Variants in TMEM151A observed in about 807,000 individuals in gnomAD.
TMEM151A encodes transmembrane protein 151A, also known as transmembrane protein 151.
In TMEM151A, 21 loss-of-function variants were observed where a neutral mutation model predicts 33.7. That is an observed-to-expected ratio of 0.62 (90% confidence interval 0.44 to 0.90). The LOEUF is 0.90. Among genes scored for constraint, TMEM151A ranks in the 40% least tolerant of loss-of-function variants. The pLI, the probability that TMEM151A is intolerant of heterozygous loss-of-function variation, is 0.00. For synonymous variants in TMEM151A, 374 were observed against 330.3 expected, an observed-to-expected ratio of 1.13 and a Z score of -1.43; for missense variants, 704 against 697.7, an observed-to-expected ratio of 1.01 and a Z score of -0.10.
At position 66,295,523 on chromosome 11, in the gene TMEM151A, C is replaced by G; in HGVS notation, c.1277C>G (p.Pro426Arg). The G allele has an allele frequency of 2.9e-6, 4 of 1,399,574 alleles. No homozygotes were observed. The highest frequency in any genetic ancestry group is 2.8e-6 in the Non-Finnish European group (3 of 1,076,214). The allele number at this position is 1,399,574 out of a possible 1,614,324, so 86.7% of individuals were successfully genotyped here. Residue 426 changes from proline to arginine, a missense_variant, in exon 2 of 2, where the codon CCG (proline) becomes CGG (arginine). Pro to Arg is a moderately radical substitution (Grantham distance 103, BLOSUM62 -2). Around this residue, in one of 3 missense-constraint regions of TMEM151A, gnomAD observed 398 missense variants for 356.0 expected, o/e 1.12. Coordinates refer to ENST00000327259, the MANE Select transcript of TMEM151A (RefSeq NM_153266.4). ...PGVFRSLSGG[P>R]LGRRGEDTEP... ...GTCTTCCGCAGCCTGAGCGGGGGGCCGCTGGGGCGCCGTGGAGAGGACACG... is the reference window on the plus strand; with the variant it reads ...GTCTTCCGCAGCCTGAGCGGGGGGCGGCTGGGGCGCCGTGGAGAGGACACG...
intron 1 of TMEM151A, among the ~76,000 whole-genome samples, chr11:66,294,030 C>T (rs933128455): frequency 1.5e-4 from 23 of 152,238 alleles, no homozygotes; most frequent in African/African-American, 5.5e-4. Context: ...AGGATCCATC[C>T]CTCCTGGCTG....
rs1408132504 is a variant in TMEM151A, at chr11:66,295,990, A to C, written c.*337A>C. ...TGCGGCCAGCTGTTGCCTGCAGCAG[A>C]GGCTGCCTGTGGACACTTCCCTACC... On this transcript the variant is annotated 3_prime_UTR_variant, in exon 2 of 2. Transcript: ENST00000327259. 4.3e-6 allele frequency: 1 copy of C among 231,588 alleles called. No individual in the cohort carries two copies. Among genetic ancestry groups the C allele is most frequent in the Admixed American group, 5.8e-5 (1 of 17,310 alleles). The allele number at this position is 231,588 out of a possible 1,614,324, so 14.3% of individuals were successfully genotyped here. A position where few individuals can be genotyped will look rare whatever the true frequency, so the allele number is the denominator to read the frequency against.
Position 66,295,664 on chromosome 11 carries a change from G to C in TMEM151A, c.*11G>C, listed in dbSNP as rs745872747. 67 of 1,480,020 alleles carry C rather than the reference G, an allele frequency of 4.5e-5. 1 individual carries two copies. The Admixed American group carries it at 1.5e-3, about 34-fold the overall frequency. 91.7% of individuals were successfully genotyped at this position (1,480,020 alleles called of 1,614,324 possible). On this transcript the variant is annotated 3_prime_UTR_variant, in exon 2 of 2. Coordinates refer to ENST00000327259, the MANE Select transcript of TMEM151A (RefSeq NM_153266.4). ...CAGGGTGCTCTCTGAGACCCCCCAC[G>C]GCCCCCAGAGTGGCCCCCTCCCCAC...
intron 1 of TMEM151A, among the ~76,000 whole-genome samples, chr11:66,293,973 A>G (rs1857481986): frequency 1.3e-5 from 2 of 152,212 alleles, no homozygotes; most frequent in East Asian, 3.9e-4. Flanking sequence ...AAGTCCACAC[A>G]GCAAATCAGG....
rs1330578449 is a variant in TMEM151A, at chr11:66,294,478, T to C, written c.232T>C (p.Leu78=). Reference sequence around the variant, plus strand: ...GCTGGTCCTGGGGCCCGAGGCCGCCTTGGCCCGGGGAGCCGGGGGCCCGCC... The same window carrying C: ...GCTGGTCCTGGGGCCCGAGGCCGCCCTGGCCCGGGGAGCCGGGGGCCCGCC... ...PRLVLGPEAA[L]ARGAGGPPPT... is the part of the protein sequence containing the mutation. The change falls in exon 2 of 2, where the codon TTG becomes CTG. Residue 78 remains leucine (L), a synonymous_variant. Coordinates refer to ENST00000327259, the MANE Select transcript of TMEM151A (RefSeq NM_153266.4). 6.2e-7 allele frequency: 1 copy of C among 1,606,062 alleles called. No individual in the cohort carries two copies. Among genetic ancestry groups the C allele is most frequent in the African/African-American group, 1.3e-5 (1 of 74,864 alleles).
At position 66,294,872 on chromosome 11, in the gene TMEM151A, G is replaced by A. The variant is rs1254632133; in HGVS notation, c.626G>A (p.Gly209Glu). The change falls in exon 2 of 2, where the codon GGG becomes GAG. Residue 209 changes from glycine to glutamate, a missense_variant. This residue lies in a region of TMEM151A where 301 missense variants were observed against 323.4 expected (regional missense o/e 0.93). Coordinates refer to ENST00000327259, the MANE Select transcript of TMEM151A (RefSeq NM_153266.4). ...CGCGACGTCTCCAAGGAGCTGGTGG[G>A]GCTGGCGGAGCACGCGGCCACGCGG... The part of the protein sequence containing the change: ...GVRDVSKELV[G>E]LAEHAATRLR... 3.3e-6 allele frequency: 5 copies of A among 1,536,768 alleles called. No homozygotes were observed. The highest frequency in any genetic ancestry group is 1.4e-5 in the African/African-American group (1 of 72,988).
rs774742558 is a variant in TMEM151A at position 66,295,061 on chromosome 11, T to C, written c.815T>C (p.Val272Ala). The C allele has an allele frequency of 1.9e-6, 3 of 1,598,540 alleles. No individual in the cohort carries two copies. In the East Asian group the frequency reaches 6.7e-5, roughly 36 times the overall value. ...GTAGACTTCCGCGAGTCGCTCATGGTCTTCGCCGACCCCCGCAGCCCGCCC... is the reference window on the plus strand; with the variant it reads ...GTAGACTTCCGCGAGTCGCTCATGGCCTTCGCCGACCCCCGCAGCCCGCCC... The part of the protein sequence containing the change: ...KDVDFRESLM[V>A]FADPRSPPWY... Residue 272 changes from valine to alanine, a missense_variant, in exon 2 of 2, where the codon GTC becomes GCC. Physicochemically the swap from Val to Ala is moderately conservative, Grantham distance 64. Coordinates refer to ENST00000327259, the MANE Select transcript of TMEM151A (RefSeq NM_153266.4).
rs1555008014 is a variant in TMEM151A at position 66,292,399 on chromosome 11, C to CACCCCCAGGGCCGCGGGGTCAG, written c.75+312_75+333dup. Among the ~76,000 whole-genome samples the CACCCCCAGGGCCGCGGGGTCAG allele has an allele frequency of 1.3e-5, 2 of 152,218 alleles. No homozygotes were observed. Among genetic ancestry groups the CACCCCCAGGGCCGCGGGGTCAG allele is most frequent in the African/African-American group, 2.4e-5 (1 of 41,464 alleles). ...GCAGCGCAGCGGGGGATGCTGCCCC[C>CACCCCCAGGGCCGCGGGGTCAG]ACCCCCAGGGCCGCGGGGTCAGGTC... On this transcript the variant is annotated intron_variant, in intron 1 of 1. Transcript: ENST00000327259. The surrounding 1 kb of genome is among the most constrained non-coding windows in gnomAD (Gnocchi z 4.7).
intron 1 of TMEM151A, among the ~76,000 whole-genome samples, chr11:66,293,055 T>C (rs1238135140): frequency 1.3e-5 from 2 of 151,936 alleles, no homozygotes; most frequent in Non-Finnish European, 2.9e-5. Context: ...GTTCTGGGAG[T>C]CTGTGCCCTG....
Position 66,291,976 on chromosome 11 carries a change from G to C in TMEM151A, c.-38G>C. On this transcript the variant is annotated 5_prime_UTR_variant, in exon 1 of 2. Coordinates refer to ENST00000327259, the MANE Select transcript of TMEM151A (RefSeq NM_153266.4). ...CTCCGTGCTCCCCCCTATCATGCCC[G>C]GTGCCCAGGCTGGGGCCGCCCAAGC... 8.7e-6 allele frequency: 13 copies of C among 1,488,078 alleles called. No homozygotes were observed. Among genetic ancestry groups the C allele is most frequent in the Non-Finnish European group, 1.2e-5 (13 of 1,123,640 alleles). The allele number at this position is 1,488,078 out of a possible 1,614,324, so 92.2% of individuals were successfully genotyped here.
rs1286111210 is a variant in TMEM151A, at chr11:66,295,686, C to G, written c.*33C>G. ...CACGGCCCCCAGAGTGGCCCCCTCC[C>G]CACCATTCCACCATGGGCTTAGATG... On this transcript the variant is annotated 3_prime_UTR_variant, in exon 2 of 2. Coordinates refer to ENST00000327259, the MANE Select transcript of TMEM151A (RefSeq NM_153266.4). The G allele has an allele frequency of 5.6e-6, 8 of 1,425,876 alleles. No homozygotes were observed. The highest frequency in any genetic ancestry group is 7.3e-6 in the Non-Finnish European group (8 of 1,088,940). The allele number at this position is 1,425,876 out of a possible 1,614,324, so 88.3% of individuals were successfully genotyped here.
In TMEM151A at chr11:66,295,433, G is replaced by A; in HGVS notation, c.1187G>A (p.Gly396Glu). Residue 396 changes from glycine (G) to glutamate (E), a missense_variant, in exon 2 of 2, where the codon GGG becomes GAG. Coordinates refer to ENST00000327259, the MANE Select transcript of TMEM151A (RefSeq NM_153266.4). Reference sequence around the variant, plus strand: ...TCGCTGCCCCCCGCCCGGCCCAGCGGGCCCCGCCTGCCCTTCAGCCGCAGC... The same window carrying A: ...TCGCTGCCCCCCGCCCGGCCCAGCGAGCCCCGCCTGCCCTTCAGCCGCAGC... ...SNSLPPARPS[G>E]PRLPFSRSRL... 6.8e-7 allele frequency: 1 copy of A among 1,472,736 alleles called. No individual in the cohort carries two copies. The highest frequency in any genetic ancestry group is 9.0e-7 in the Non-Finnish European group (1 of 1,113,306). 91.2% of individuals were successfully genotyped at this position (1,472,736 alleles called of 1,614,324 possible). A position where few individuals can be genotyped will look rare whatever the true frequency, so the allele number is the denominator to read the frequency against.
rs1857470109 is a variant in TMEM151A at position 66,292,812 on chromosome 11, G to A, written c.75+724G>A. On this transcript the variant is annotated intron_variant, in intron 1 of 1. Transcript: ENST00000327259. This position sits in a 1 kb window ranked among gnomAD's most constrained non-coding sequence, Gnocchi z 4.7. Reference sequence around the variant, plus strand: ...CTCGGGTTGTCACCCAGTGGTCTAGGTGTGCGCATGTGAGTGAGTCCCTTT... The same window carrying A: ...CTCGGGTTGTCACCCAGTGGTCTAGATGTGCGCATGTGAGTGAGTCCCTTT... Among the ~76,000 whole-genome samples the A allele has an allele frequency of 6.6e-6, 1 of 151,842 alleles. No individual in the cohort carries two copies. The highest frequency in any genetic ancestry group is 2.1e-4 in the South Asian group (1 of 4,824).
Position 66,292,025 on chromosome 11 carries a change from C to T in TMEM151A, c.12C>T (p.Asp4=). ...GCAGCCAGGACACCATGCCCGAGGA[C>T]GGCGCTGGCGACGGCGGGGAGGTGC... MPE[D]GAGDGGEVPA... Residue 4 remains aspartate (D), a synonymous_variant, in exon 1 of 2, where the codon GAC becomes GAT. Coordinates refer to ENST00000327259, the MANE Select transcript of TMEM151A (RefSeq NM_153266.4). The surrounding 1 kb of genome is among the most constrained non-coding windows in gnomAD (Gnocchi z 4.7). The T allele has an allele frequency of 6.7e-7, 1 of 1,502,108 alleles. No individual in the cohort carries two copies. The highest frequency in any genetic ancestry group is 2.1e-5 in the Admixed American group (1 of 47,936). The allele number at this position is 1,502,108 out of a possible 1,614,324, so 93.0% of individuals were successfully genotyped here.
rs762116267 is a variant in TMEM151A, at chr11:66,294,983, A to G, written c.737A>G (p.Asn246Ser). The change falls in exon 2 of 2, where the codon AAC (asparagine) becomes AGC (serine). Residue 246 changes from asparagine to serine, a missense_variant. Physicochemically the swap from Asn to Ser is conservative, Grantham distance 46. Coordinates refer to ENST00000327259, the MANE Select transcript of TMEM151A (RefSeq NM_153266.4). ...CAGCGGGCGCGCTTCTTCAGCGCCA[A>G]CGAGGGCCTGGACGACTATCTGGAG... is the stretch of plus-strand genomic sequence containing the variant. ...LTQRARFFSA[N>S]EGLDDYLEAR... 23 of 1,584,834 alleles carry G rather than the reference A, an allele frequency of 1.5e-5. No homozygotes were observed. The highest frequency in any genetic ancestry group is 1.2e-4 in the African/African-American group (9 of 74,486).
At position 66,294,818 on chromosome 11, in the gene TMEM151A, G is replaced by A; in HGVS notation, c.572G>A (p.Gly191Asp). The A allele has an allele frequency of 6.5e-7, 1 of 1,541,566 alleles. No homozygotes were observed. The highest frequency in any genetic ancestry group is 8.7e-7 in the Non-Finnish European group (1 of 1,146,344). Residue 191 changes from glycine (G) to aspartate (D), a missense_variant, in exon 2 of 2, where the codon GGC (glycine) becomes GAC (aspartate). Gly to Asp is a moderately conservative substitution (Grantham distance 94). Transcript: ENST00000327259. ...CGCGCTGACAGCCGCACGGCCCGCGGCGAGTTTGACTACTCGGCGCACGGC... is the reference window on the plus strand; with the variant it reads ...CGCGCTGACAGCCGCACGGCCCGCGACGAGTTTGACTACTCGGCGCACGGC... ...HERADSRTAR[G>D]EFDYSAHGVR...
chr11:66,292,501 A>C lies in TMEM151A; in HGVS notation c.75+413A>C, dbSNP rs1857466398. 6.6e-6 allele frequency among the ~76,000 whole-genome samples: 1 copy of C among 152,174 alleles called. No homozygotes were observed. Among genetic ancestry groups the C allele is most frequent in the East Asian group, 1.9e-4 (1 of 5,158 alleles). On this transcript the variant is annotated intron_variant, in intron 1 of 1. Transcript: ENST00000327259. This position sits in a 1 kb window ranked among gnomAD's most constrained non-coding sequence, Gnocchi z 4.7. ...GCAGCAGTCGCAGAGCCTAGAGGGG[A>C]GGAGGGGAAGAGGAAGGGAGGCGCC...
chr11:66,294,095 G>A (rs1297404094), intron 1 of TMEM151A, among the ~76,000 whole-genome samples: 1 of 152,230 alleles, frequency 6.6e-6, no homozygotes, highest in African/African-American at 2.4e-5. Context: ...ACGGCACAGT[G>A]GAGGATGGGT....
At position 66,295,244 on chromosome 11, in the gene TMEM151A, C is replaced by G; in HGVS notation, c.998C>G (p.Pro333Arg). ...CCGCCGGGGGCCGTGCCCAGCGGGC[C>G]CCCGCTGTCCCGCGTGGCCACAGTG... ...SPPPGAVPSG[P>R]PLSRVATVDF... is the part of the protein sequence containing the mutation. Residue 333 changes from proline (P) to arginine (R), a missense_variant, in exon 2 of 2, where the codon CCC (proline) becomes CGC (arginine). Pro to Arg is a moderately radical substitution (Grantham distance 103). This residue lies in a region of TMEM151A where 398 missense variants were observed against 356.0 expected (regional missense o/e 1.12). Transcript: ENST00000327259. The G allele has an allele frequency of 6.4e-7, 1 of 1,560,132 alleles. No homozygotes were observed. Among genetic ancestry groups the G allele is most frequent in the Non-Finnish European group, 8.7e-7 (1 of 1,153,240 alleles).
Sources: gnomAD v4.1 joint callset for allele counts (sites outside exome capture counted in the v4.1 genomes callset) on GRCh38, gnomAD v4.1.1 for gene constraint, gnomAD v4.1.1 regional missense constraint, Gnocchi (gnomAD v3.1) non-coding constraint, MANE v1.5 for transcripts, NCBI Gene and HGNC (gene_info 2026-07-23, HGNC 2026-07-21) for gene names.